The following DLG2 variants were observed in gnomAD, a reference collection of about 807,000 sequenced individuals.
The protein encoded by DLG2 is disks large homolog 2.
Under a neutral mutation model 132.5 loss-of-function variants are expected in DLG2, and 45 were observed. That is an observed-to-expected ratio of 0.34 (90% CI 0.27 to 0.44). The LOEUF is 0.44. DLG2 is among the 20% of genes least tolerant of loss of function. The pLI is 1.00. For synonymous variants in DLG2, 424 were observed against 419.6 expected, an observed-to-expected ratio of 1.01 and a Z score of -0.13; for missense variants, 1,045 against 1,196.9, an observed-to-expected ratio of 0.87 and a Z score of 1.87.
At chr11:83,715,496 T>C (rs2086484063) in intron 18 of DLG2, among the ~76,000 whole-genome samples, 1 of 152,204 alleles carries the variant, frequency 6.6e-6, no homozygotes. Context: ...CTGAGGCCTA[T>C]ACCTGACATT....
chr11:84,687,626 C>A (rs563694431), intron 6 of DLG2, among the ~76,000 whole-genome samples: 2 of 152,214 alleles, frequency 1.3e-5, no homozygotes, highest in South Asian at 4.1e-4. Flanking sequence ...GCACAATAGC[C>A]TCCAGGTATT....
chr11:84,440,951 A>G (rs1029189232), intron 7 of DLG2, among the ~76,000 whole-genome samples: 1 of 152,172 alleles, frequency 6.6e-6, no homozygotes, highest in Non-Finnish European at 1.5e-5. Flanking sequence ...AATCCAAGGA[A>G]TTAATATCTG....
At chr11:84,696,022 C>T (rs914177547) in intron 6 of DLG2, among the ~76,000 whole-genome samples, 7 of 151,454 alleles carry the variant, frequency 4.6e-5, no homozygotes, top group Non-Finnish European at 8.9e-5. Flanking sequence ...TTTCCTTCAA[C>T]GAACACTTAA....
At chr11:83,699,233 C>G (rs2082440211) in intron 18 of DLG2, among the ~76,000 whole-genome samples, 1 of 152,138 alleles carries the variant, frequency 6.6e-6, no homozygotes, top group Non-Finnish European at 1.5e-5. Flanking sequence ...TCAACCTGCT[C>G]TGCTCCAAGT....
chr11:83,553,129 C>G (rs993987645), intron 19 of DLG2, among the ~76,000 whole-genome samples: 5 of 152,162 alleles, frequency 3.3e-5, no homozygotes, highest in Admixed American at 6.6e-5. Context: ...CTGAACTGAA[C>G]TAAATTCAGA....
chr11:85,590,835 C>T (rs2079276500), intron 3 of DLG2, among the ~76,000 whole-genome samples: 1 of 152,152 alleles, frequency 6.6e-6, no homozygotes, highest in African/African-American at 2.4e-5. Context: ...TTATTATGTA[C>T]TTAACAGAAA....
At chr11:84,807,126 A>T (rs1285902823) in intron 6 of DLG2, among the ~76,000 whole-genome samples, 1 of 152,190 alleles carries the variant, frequency 6.6e-6, no homozygotes, top group East Asian at 1.9e-4. Context: ...GAAATAAAAA[A>T]CAGAGAGAAC....
At chr11:84,472,270 C>T (rs2099110486) in intron 7 of DLG2, among the ~76,000 whole-genome samples, 1 of 151,788 alleles carries the variant, frequency 6.6e-6, no homozygotes, top group South Asian at 2.1e-4. Flanking sequence ...TAGCATGCTA[C>T]CTATTGGCTC....
intron 4 of DLG2, among the ~76,000 whole-genome samples, chr11:85,190,954 TC>T (rs1466413935): frequency 6.6e-6 from 1 of 152,186 alleles, no homozygotes; most frequent in African/African-American, 2.4e-5. Context: ...TGGATATTTC[TC>T]AAAGAACTTA....
intron 3 of DLG2, among the ~76,000 whole-genome samples, chr11:85,554,126 GTAAAA>G (rs1336182969): frequency 6.7e-6 from 1 of 150,132 alleles, no homozygotes; most frequent in Non-Finnish European, 1.5e-5. Flanking sequence ...GGACAATAGA[GTAAAA>G]TAAAAGAAAG....
At chr11:84,374,507 G>C (rs1000620766) in intron 7 of DLG2, among the ~76,000 whole-genome samples, 9 of 152,082 alleles carry the variant, frequency 5.9e-5, no homozygotes, top group Admixed American at 5.2e-4. Flanking sequence ...CCCATCAGCT[G>C]TCATTAATGT....
At chr11:85,390,639 C>G (rs2086719046) in intron 3 of DLG2, among the ~76,000 whole-genome samples, 1 of 151,990 alleles carries the variant, frequency 6.6e-6, no homozygotes, top group Non-Finnish European at 1.5e-5. Flanking sequence ...AAAAGGAACC[C>G]TCAAAATCAT....
At chr11:83,673,101 A>C (rs754748220) in intron 18 of DLG2, among the ~76,000 whole-genome samples, 1 of 151,852 alleles carries the variant, frequency 6.6e-6, no homozygotes, top group Non-Finnish European at 1.5e-5. Context: ...AACAAAAAAA[A>C]CTCTCTGTGA....
chr11:85,528,098 GGATA>G (rs1297978655), intron 3 of DLG2, among the ~76,000 whole-genome samples: 1 of 152,110 alleles, frequency 6.6e-6, no homozygotes, highest in Non-Finnish European at 1.5e-5. Context: ...TTTGTCGGAT[GGATA>G]GATTTCAAAA....
intron 18 of DLG2, among the ~76,000 whole-genome samples, chr11:83,778,568 T>G (rs1241209291): frequency 6.6e-6 from 1 of 152,206 alleles, no homozygotes; most frequent in Non-Finnish European, 1.5e-5. Context: ...ATATCTATTA[T>G]TAACCTATAA....
intron 6 of DLG2, among the ~76,000 whole-genome samples, chr11:84,627,104 C>T (rs996678984): frequency 1.3e-5 from 2 of 152,046 alleles, no homozygotes; most frequent in Non-Finnish European, 2.9e-5. Context: ...GTCCTGACAT[C>T]AGGTCATCTG....
intron 6 of DLG2, among the ~76,000 whole-genome samples, chr11:84,620,392 G>C (rs1208450442): frequency 6.6e-6 from 1 of 151,730 alleles, no homozygotes; most frequent in Non-Finnish European, 1.5e-5. Context: ...GCTTAAATAA[G>C]ACAGAAAATG....
At chr11:84,734,808 T>G (rs1033379387) in intron 6 of DLG2, among the ~76,000 whole-genome samples, 1 of 152,174 alleles carries the variant, frequency 6.6e-6, no homozygotes, top group Non-Finnish European at 1.5e-5. Flanking sequence ...TTGAGATACA[T>G]CCCATCAATA....
rs1195214488 is a variant in DLG2, at chr11:84,044,393, A to G, written c.919+14922T>C. On this transcript the variant is annotated intron_variant, in intron 11 of 27. Transcript: ENST00000376104. ...AATTGGACATTCTATTTGCTCTGATATAACGCATGTGACTGGTTTACCTTT... is the reference window on the plus strand; with the variant it reads ...AATTGGACATTCTATTTGCTCTGATGTAACGCATGTGACTGGTTTACCTTT... Among the ~76,000 whole-genome samples the G allele has an allele frequency of 2.0e-5, 3 of 151,894 alleles. No homozygotes were observed. The East Asian group carries it at 5.8e-4, about 30-fold the overall frequency.
Sources: gnomAD v4.1 joint callset for allele counts (sites outside exome capture counted in the v4.1 genomes callset) on GRCh38, gnomAD v4.1.1 for gene constraint, MANE v1.5 for transcripts, NCBI Gene and HGNC (gene_info 2026-07-23, HGNC 2026-07-21) for gene names.